Variants in GALNT17 observed in about 807,000 individuals in gnomAD.
GALNT17 encodes polypeptide N-acetylgalactosaminyltransferase 17, also known as UDP-GalNAc:polypeptide N-acetylgalactosaminyltransferase-like 3.
In GALNT17, 29 loss-of-function variants were observed where a neutral mutation model predicts 63.7. The observed-to-expected ratio is 0.46, with a 90% CI of 0.34 to 0.62. The LOEUF (loss-of-function observed/expected upper bound fraction) is 0.62. GALNT17 is among the 20% of genes least tolerant of loss of function. GALNT17 has a pLI of 0.01. For missense variants in GALNT17, 603 were observed against 799.6 expected, an observed-to-expected ratio of 0.75 and a Z score of 2.97; for synonymous variants, 305 against 318.3, an observed-to-expected ratio of 0.96 and a Z score of 0.45.
intron 6 of GALNT17, among the ~76,000 whole-genome samples, chr7:71,665,158 G>A (rs1790965108): frequency 6.6e-6 from 1 of 152,008 alleles, no homozygotes; most frequent in Non-Finnish European, 1.5e-5. Context: ...TCTATCTTTA[G>A]TAGAGACGAG....
chr7:71,232,335 T>C (rs1405919187), intron 1 of GALNT17, among the ~76,000 whole-genome samples: 1 of 152,096 alleles, frequency 6.6e-6, no homozygotes, highest in Non-Finnish European at 1.5e-5. Context: ...TGAACACCTT[T>C]TGGGAGCCTT....
intron 6 of GALNT17, among the ~76,000 whole-genome samples, chr7:71,609,123 C>T (rs1790088826): frequency 6.6e-6 from 1 of 152,156 alleles, no homozygotes; most frequent in Non-Finnish European, 1.5e-5. Context: ...GCATGCTCTG[C>T]CTGTCTAAGT....
At chr7:71,149,283 C>T (rs561562828) in intron 1 of GALNT17, among the ~76,000 whole-genome samples, 24 of 152,262 alleles carry the variant, frequency 1.6e-4, no homozygotes, top group African/African-American at 5.5e-4. Context: ...CTTAATTCGA[C>T]ATCACACCTA....
intron 5 of GALNT17, among the ~76,000 whole-genome samples, chr7:71,509,379 G>A (rs760087381): frequency 2.0e-5 from 3 of 152,164 alleles, no homozygotes; most frequent in Non-Finnish European, 2.9e-5. Context: ...GGTGTATGGG[G>A]ATGTAACCCC....
intron 6 of GALNT17, among the ~76,000 whole-genome samples, chr7:71,601,069 G>C (rs1028145982): frequency 3.3e-5 from 5 of 151,894 alleles, no homozygotes; most frequent in African/African-American, 9.7e-5. Flanking sequence ...ATCTCATCCA[G>C]CTCACTGCAA....
chr7:71,366,892 C>A (rs1439495429), intron 2 of GALNT17, among the ~76,000 whole-genome samples: 3 of 152,072 alleles, frequency 2.0e-5, no homozygotes, highest in Non-Finnish European at 2.9e-5. Flanking sequence ...TTCTTGGATG[C>A]CTTTCTTTGA....
intron 6 of GALNT17, among the ~76,000 whole-genome samples, chr7:71,616,814 A>C (rs1177502416): frequency 1.1e-5 from 1 of 89,640 alleles, no homozygotes; most frequent in East Asian, 2.2e-4. Context: ...ACATTAGTTA[A>C]TTATATAATC....
At chr7:71,330,222 A>G (rs1048594030) in intron 1 of GALNT17, among the ~76,000 whole-genome samples, 1 of 152,176 alleles carries the variant, frequency 6.6e-6, no homozygotes, top group African/African-American at 2.4e-5. Context: ...CATGTTGACC[A>G]GGCTGGTCTT....
At chr7:71,702,887 T>A (rs1021244623) in intron 9 of GALNT17, among the ~76,000 whole-genome samples, 1 of 152,130 alleles carries the variant, frequency 6.6e-6, no homozygotes, top group Non-Finnish European at 1.5e-5. Context: ...CAAGAAGGAA[T>A]AGATGCTGGA....
intron 6 of GALNT17, among the ~76,000 whole-genome samples, chr7:71,605,315 C>G (rs1047985930): frequency 2.0e-5 from 3 of 152,096 alleles, no homozygotes; most frequent in Non-Finnish European, 4.4e-5. Flanking sequence ...TGGCCAACCA[C>G]GATGGCTCAC....
intron 1 of GALNT17, among the ~76,000 whole-genome samples, chr7:71,297,480 G>A (rs7790268): frequency 0.32 from 48,795 of 151,956 alleles, 8,544 homozygotes; most frequent in Non-Finnish European, 0.38. Flanking sequence ...GGAGGTGGAG[G>A]TTGCAGTGAG....
At position 71,386,362 on chromosome 7, in the gene GALNT17, T is replaced by A. The variant is rs142015743; in HGVS notation, c.423-1873T>A. ...TCACTCCATGGCTTCATCTGTTTTC[T>A]TTGTTCTGCTCCCTGTTCCGTTGTG... On this transcript the variant is annotated intron_variant, in intron 2 of 10. Coordinates refer to ENST00000333538, the MANE Select transcript of GALNT17 (RefSeq NM_022479.3). Among the ~76,000 whole-genome samples, 4 of 152,354 alleles carry A rather than the reference T, an allele frequency of 2.6e-5. No individual in the cohort carries two copies. The East Asian group carries it at 7.7e-4, about 29-fold the overall frequency.
chr7:71,514,708 T>C (rs977245893), intron 5 of GALNT17, among the ~76,000 whole-genome samples: 1 of 152,224 alleles, frequency 6.6e-6, no homozygotes, highest in Admixed American at 6.5e-5. Context: ...GCTTCATTTC[T>C]CTAAGGTATA....
At chr7:71,578,399 T>G (rs1250116555) in intron 6 of GALNT17, among the ~76,000 whole-genome samples, 1 of 152,108 alleles carries the variant, frequency 6.6e-6, no homozygotes, top group Admixed American at 6.6e-5. Flanking sequence ...GTTACAAAAA[T>G]TATAGCTCAC....
At chr7:71,183,570 A>T (rs1796084) in intron 1 of GALNT17, among the ~76,000 whole-genome samples, 39,623 of 151,970 alleles carry the variant, frequency 0.26, 9,546 homozygotes, top group African/African-American at 0.65. Context: ...AGAATTCCCC[A>T]TGGAGATCCC....
At chr7:71,488,169 T>TA (rs1343277575) in intron 5 of GALNT17, among the ~76,000 whole-genome samples, 44,192 of 122,974 alleles carry the variant, frequency 0.36, 10,039 homozygotes, top group Non-Finnish European at 0.52. Flanking sequence ...CCCTATCTCT[T>TA]AAAAAAAAAA....
chr7:71,562,018 C>T (rs971145172), intron 5 of GALNT17, among the ~76,000 whole-genome samples: 2 of 151,670 alleles, frequency 1.3e-5, no homozygotes, highest in Non-Finnish European at 2.9e-5. Flanking sequence ...TGCAGTGGTG[C>T]GATCATAGCA....
At chr7:71,314,149 A>T (rs1562994612) in intron 1 of GALNT17, among the ~76,000 whole-genome samples, 1 of 152,070 alleles carries the variant, frequency 6.6e-6, no homozygotes, top group East Asian at 1.9e-4. Flanking sequence ...CAATTGAAAT[A>T]TTTTTTTATG....
chr7:71,638,048 T>G (rs1200894811), intron 6 of GALNT17, among the ~76,000 whole-genome samples: 1 of 152,120 alleles, frequency 6.6e-6, no homozygotes, highest in East Asian at 1.9e-4. Flanking sequence ...AGGAAAGGAG[T>G]GGGCAATGCC....
Sources: allele counts gnomAD v4.1 joint callset (sites outside exome capture counted in the v4.1 genomes callset), GRCh38; gene constraint gnomAD v4.1.1; transcripts MANE v1.5; gene names NCBI Gene and HGNC (gene_info 2026-07-23, HGNC 2026-07-21).